USP18: variants seen among roughly 807,000 people sequenced by gnomAD.
The protein encoded by USP18 is ubl carboxyl-terminal hydrolase 18.
A neutral mutation model predicts 48.7 loss-of-function variants in USP18; 11 were observed. The observed-to-expected ratio is 0.23, with a 90% CI of 0.14 to 0.37. The LOEUF (loss-of-function observed/expected upper bound fraction) is 0.37. USP18 is among the 10% of genes least tolerant of loss of function. The pLI is 1.00. For missense variants in USP18, 285 were observed against 436.4 expected, an observed-to-expected ratio of 0.65 and a Z score of 3.09; for synonymous variants, 114 against 163.2, an observed-to-expected ratio of 0.70 and a Z score of 2.30.
intron 6 of USP18, 81 bp downstream of exon 6, chr22:18,168,117 G>C: frequency 1.9e-6 from 3 of 1,571,024 alleles, no homozygotes; most frequent in Non-Finnish European, 2.6e-6. Context: ...TCTGAGACTA[G>C]GTAATTTATT....
At chr22:18,176,185 G>A (rs1371944949) in intron 10 of USP18, among the ~76,000 whole-genome samples, 2 of 79,918 alleles carry the variant, frequency 2.5e-5, no homozygotes, top group East Asian at 6.3e-4. Flanking sequence ...GGGAGGCTGA[G>A]GAGGGAGAAT....
At chr22:18,164,038 C>T (rs1448518576) in intron 4 of USP18, among the ~76,000 whole-genome samples, 1 of 152,270 alleles carries the variant, frequency 6.6e-6, no homozygotes, top group Non-Finnish European at 1.5e-5. Flanking sequence ...CTGCACACTC[C>T]TTCACGCATT....
chr22:18,152,319 G>A (rs1169073376), intron 1 of USP18, among the ~76,000 whole-genome samples: 1 of 152,068 alleles, frequency 6.6e-6, no homozygotes, highest in Non-Finnish European at 1.5e-5. Flanking sequence ...GCTTGTTCCT[G>A]GCTCTTCTGG....
intron 6 of USP18, among the ~76,000 whole-genome samples, chr22:18,169,191 T>G (rs1340713906): frequency 6.6e-6 from 1 of 152,140 alleles, no homozygotes; most frequent in Non-Finnish European, 1.5e-5. Context: ...CATTGGATCA[T>G]GGGGGAGGGT....
chr22:18,157,092 C>G (rs1929178101), intron 1 of USP18, among the ~76,000 whole-genome samples: 2 of 152,226 alleles, frequency 1.3e-5, no homozygotes, highest in Admixed American at 1.3e-4. Flanking sequence ...CTGCCTGCAG[C>G]TAAGGTTTAT....
chr22:18,162,497 C>G (rs1044917728), intron 4 of USP18, among the ~76,000 whole-genome samples: 3 of 150,184 alleles, frequency 2.0e-5, no homozygotes, highest in African/African-American at 7.4e-5. Flanking sequence ...TTGCTTTTCT[C>G]TTGCTGCTTT....
rs752812952 is a variant in USP18 at position 18,173,184 on chromosome 22, C to T, written c.926C>T (p.Ala309Val). The change falls in exon 9 of 11, where the codon GCG (alanine) becomes GTG (valine). Residue 309 changes from alanine to valine, a missense_variant. By Grantham distance (64) the Ala-to-Val change is moderately conservative. This residue lies in a region of USP18 where 44 missense variants were observed against 64.4 expected (regional missense o/e 0.68). Coordinates refer to ENST00000215794, the MANE Select transcript of USP18 (RefSeq NM_017414.4). ...CAGTATGAGCTTTTTGCTGTGATTG[C>T]GCACGTGGGAATGGCAGACTCCGGT... is the stretch of plus-strand genomic sequence containing the variant. ...GGQYELFAVI[A>V]HVGMADSGHY... 11 of 1,609,048 alleles carry T rather than the reference C, an allele frequency of 6.8e-6. No individual in the cohort carries two copies. Among genetic ancestry groups the T allele is most frequent in the East Asian group, 2.2e-5 (1 of 44,800 alleles).
Position 18,162,008 on chromosome 22 carries a change from A to G in USP18, c.400+73A>G, listed in dbSNP as rs952700838. 9 of 1,510,622 alleles carry G rather than the reference A, an allele frequency of 6.0e-6. No individual in the cohort carries two copies. The African/African-American group carries it at 1.3e-4, about 21-fold the overall frequency. The allele number at this position is 1,510,622 out of a possible 1,614,324, so 93.6% of individuals were successfully genotyped here. A position where few individuals can be genotyped will look rare whatever the true frequency, so the allele number is the denominator to read the frequency against. ...GGGAAGCTTAGAGAGTGAAGAGAGGAACTAACGGGCAGTGAAGCAACAAGA... is the reference window on the plus strand; with the variant it reads ...GGGAAGCTTAGAGAGTGAAGAGAGGGACTAACGGGCAGTGAAGCAACAAGA... On this transcript the variant is annotated intron_variant, in intron 4 of 10. Coordinates refer to ENST00000215794, the MANE Select transcript of USP18 (RefSeq NM_017414.4).
At chr22:18,172,313 AC>A in intron 8 of USP18, among the ~76,000 whole-genome samples, 1 of 152,292 alleles carries the variant, frequency 6.6e-6, no homozygotes, top group African/African-American at 2.4e-5. Flanking sequence ...TCATTTATAA[AC>A]ACTTCATTAT....
intron 4 of USP18, among the ~76,000 whole-genome samples, chr22:18,163,422 T>TCC (rs1929381078): frequency 1.2e-4 from 19 of 152,080 alleles, no homozygotes; most frequent in Admixed American, 1.2e-3. Context: ...GGTGGGCAGA[T>TCC]CATGAGGTCA....
At chr22:18,166,237 A>G (rs1569211208) in intron 4 of USP18, among the ~76,000 whole-genome samples, 1 of 151,860 alleles carries the variant, frequency 6.6e-6, no homozygotes, top group African/African-American at 2.4e-5. Flanking sequence ...TACATTTTTC[A>G]TTTCAGTTAT....
intron 9 of USP18, 99 bp downstream of exon 9, chr22:18,173,380 T>G (rs534192803): frequency 6.5e-7 from 1 of 1,538,584 alleles, no homozygotes; most frequent in East Asian, 2.3e-5. Flanking sequence ...CAAGACACAC[T>G]GTGATCCTGC....
intron 1 of USP18, among the ~76,000 whole-genome samples, chr22:18,150,740 A>C (rs5992183): frequency 0.4 from 60,464 of 151,946 alleles, 13,133 homozygotes; most frequent in African/African-American, 0.57. Context: ...TCGAGGAGGG[A>C]GGATCACCTG....
In USP18 at chr22:18,159,514, T is replaced by TC. The variant is rs1204256128; in HGVS notation, c.158-658_158-657insC. 7.0e-4 allele frequency among the ~76,000 whole-genome samples: 105 copies of TC among 150,638 alleles called. 1 individual carries two copies. Among genetic ancestry groups the TC allele is most frequent in the Admixed American group, 5.7e-3 (87 of 15,140 alleles). The stretch of plus-strand genomic sequence containing the variant: ...TTTTTGTCAACTTTTTTTTTTTTTT[T>TC]GAGACAGAATTCCACTCTTGTTGCC... On this transcript the variant is annotated intron_variant, in intron 2 of 10. Transcript: ENST00000215794.
intron 1 of USP18, among the ~76,000 whole-genome samples, chr22:18,157,317 C>A (rs1474550292): frequency 1.3e-5 from 2 of 152,176 alleles, no homozygotes; most frequent in Non-Finnish European, 2.9e-5. Context: ...CTTCCCTGTC[C>A]TTTCCCAAGA....
rs540866185 is a variant in USP18, at chr22:18,153,587, G to A, written c.-107+3365G>A. Among the ~76,000 whole-genome samples, 223 of 152,102 alleles carry A rather than the reference G, an allele frequency of 1.5e-3. 9 individuals are homozygous for A. In the South Asian group the frequency reaches 0.044, roughly 30 times the overall value. ...CCACAAGTACATGCCACCATGCTAG[G>A]CTAATTTTATTTTTATTTTTAGAAA... is the stretch of plus-strand genomic sequence containing the variant. On this transcript the variant is annotated intron_variant, in intron 1 of 10. Transcript: ENST00000215794.
intron 4 of USP18, among the ~76,000 whole-genome samples, chr22:18,164,208 G>A (rs1602526679): frequency 6.6e-6 from 1 of 152,068 alleles, no homozygotes; most frequent in East Asian, 1.9e-4. Context: ...GAGGAGCACT[G>A]GTTTCCTGCT....
chr22:18,174,233 C>CT (rs1383221696), intron 10 of USP18, among the ~76,000 whole-genome samples: 79 of 136,452 alleles, frequency 5.8e-4, no homozygotes, highest in Admixed American at 1.1e-3. Flanking sequence ...CTTTTCTTTT[C>CT]TTTTTTTTTT....
Position 18,164,662 on chromosome 22 carries a change from A to G in USP18, c.401-2593A>G, listed in dbSNP as rs879189346. 5.9e-4 allele frequency among the ~76,000 whole-genome samples: 89 copies of G among 151,696 alleles called. 1 individual carries two copies. The highest frequency in any genetic ancestry group is 1.5e-3 in the African/African-American group (61 of 41,032). Reference sequence around the variant, plus strand: ...ACATATCCTTCCAGGGAGAAACTGGAAGCCTGGCATTTCTGCCTGTTTGCT... The same window carrying G: ...ACATATCCTTCCAGGGAGAAACTGGGAGCCTGGCATTTCTGCCTGTTTGCT... On this transcript the variant is annotated intron_variant, in intron 4 of 10. Transcript: ENST00000215794.
Sources: gnomAD v4.1 joint callset for allele counts (sites outside exome capture counted in the v4.1 genomes callset) on GRCh38, gnomAD v4.1.1 for gene constraint, gnomAD v4.1.1 regional missense constraint, MANE v1.5 for transcripts, NCBI Gene and HGNC (gene_info 2026-07-23, HGNC 2026-07-21) for gene names.